Variants in SHOC2 observed in about 807,000 individuals in gnomAD.
SHOC2 encodes SHOC2 leucine rich repeat scaffold protein, also known as leucine-rich repeat protein SHOC-2.
A neutral mutation model predicts 50.2 loss-of-function variants in SHOC2; 4 were observed. The ratio of observed to expected loss-of-function variants is 0.08; its 90% CI spans 0.04 to 0.18. The LOEUF is 0.18. SHOC2 is among the 10% of genes least tolerant of loss of function. SHOC2 has a pLI of 1.00. For synonymous variants in SHOC2, 218 were observed against 244.5 expected, an observed-to-expected ratio of 0.89 and a Z score of 1.01; for missense variants, 388 against 669.6, an observed-to-expected ratio of 0.58 and a Z score of 4.64.
intron 1 of SHOC2, chr10:110,937,023 A>AGGGGCGTCGGAAAGGGTT (rs1238050585): frequency 1.9e-5 from 28 of 1,482,510 alleles, no homozygotes; most frequent in Non-Finnish European, 2.5e-5. Flanking sequence ...CGGAAGTGGT[A>AGGGGCGTCGGAAAGGGTT]GGGGCGTCGG....
intron 3 of SHOC2, among the ~76,000 whole-genome samples, chr10:110,988,685 C>T (rs1848126266): frequency 1.3e-5 from 2 of 151,772 alleles, no homozygotes; most frequent in Non-Finnish European, 2.9e-5. Context: ...CATTGATTTC[C>T]ATTTTGAACT....
chr10:110,959,809 G>T (rs1847538608), intron 1 of SHOC2, among the ~76,000 whole-genome samples: 2 of 152,154 alleles, frequency 1.3e-5, no homozygotes, highest in Admixed American at 1.3e-4. Context: ...TAAATTTTCT[G>T]CCTTCCTTCT....
chr10:110,999,085 C>T (rs1848319365), intron 3 of SHOC2, among the ~76,000 whole-genome samples: 1 of 152,204 alleles, frequency 6.6e-6, no homozygotes, highest in South Asian at 2.1e-4. Flanking sequence ...ACTCAAAATA[C>T]TTATCTCCAA....
chr10:110,965,018 T>A lies in SHOC2; in HGVS notation c.660T>A (p.Leu220=). 6.2e-7 allele frequency: 1 copy of A among 1,613,774 alleles called. No individual in the cohort carries two copies. The highest frequency in any genetic ancestry group is 8.5e-7 in the Non-Finnish European group (1 of 1,179,760). Residue 220 remains leucine, a synonymous_variant, in exon 2 of 9, where the codon CTT becomes CTA. Coordinates refer to ENST00000369452, the MANE Select transcript of SHOC2 (RefSeq NM_007373.4). The part of the protein sequence containing the change: ...DIKNLSKLSM[L]SIRENKIKQL... Reference sequence around the variant, plus strand: ...AAAACTTGTCAAAACTCAGCATGCTTAGCATTCGAGAGAACAAAATTAAAC... The same window carrying A: ...AAAACTTGTCAAAACTCAGCATGCTAAGCATTCGAGAGAACAAAATTAAAC...
chr10:110,947,052 G>A (rs1255450453), intron 1 of SHOC2, among the ~76,000 whole-genome samples: 3 of 152,182 alleles, frequency 2.0e-5, no homozygotes, highest in Non-Finnish European at 4.4e-5. Context: ...AACAAATGAT[G>A]CATTGAAGAG....
At chr10:110,935,029 C>T (rs1477727139) in intron 1 of SHOC2, among the ~76,000 whole-genome samples, 1 of 152,162 alleles carries the variant, frequency 6.6e-6, no homozygotes, top group Non-Finnish European at 1.5e-5. Flanking sequence ...TGTATACTTT[C>T]TGCACATATA....
At chr10:110,920,847 A>G (rs1049245907) in intron 1 of SHOC2, among the ~76,000 whole-genome samples, 2 of 152,194 alleles carry the variant, frequency 1.3e-5, no homozygotes, top group Non-Finnish European at 2.9e-5. Context: ...CGTGATAACT[A>G]CCAGCAGTGT....
At chr10:110,931,079 C>G (rs1395774424) in intron 1 of SHOC2, among the ~76,000 whole-genome samples, 1 of 152,086 alleles carries the variant, frequency 6.6e-6, no homozygotes, top group South Asian at 2.1e-4. Context: ...ATGCAGGTTT[C>G]CTAAAAAACT....
At chr10:110,976,947 T>G (rs1847889531) in intron 2 of SHOC2, among the ~76,000 whole-genome samples, 1 of 152,196 alleles carries the variant, frequency 6.6e-6, no homozygotes, top group African/African-American at 2.4e-5. Context: ...TGTGTGTCCA[T>G]GTATATTTTA....
intron 3 of SHOC2, among the ~76,000 whole-genome samples, chr10:110,999,807 A>G (rs1380222755): frequency 6.6e-6 from 1 of 151,388 alleles, no homozygotes. Context: ...TTCGATAATG[A>G]CTATTTTGTG....
At chr10:110,974,667 G>GT (rs1306108692) in intron 2 of SHOC2, among the ~76,000 whole-genome samples, 18 of 151,292 alleles carry the variant, frequency 1.2e-4, no homozygotes, top group Admixed American at 4.6e-4. Context: ...TCTTTGTGGC[G>GT]TTTTTTTTAG....
chr10:110,973,023 G>A (rs1297423570), intron 2 of SHOC2, among the ~76,000 whole-genome samples: 1 of 152,166 alleles, frequency 6.6e-6, no homozygotes, highest in Non-Finnish European at 1.5e-5. Context: ...TCCCTTAGTT[G>A]CAGAAAACTT....
At chr10:110,980,701 T>C (rs773110243) in intron 2 of SHOC2, among the ~76,000 whole-genome samples, 14 of 152,166 alleles carry the variant, frequency 9.2e-5, no homozygotes, top group Admixed American at 4.6e-4. Context: ...CTTAGGTTGA[T>C]ATTTAAGACC....
At chr10:110,975,615 G>A (rs1003635646) in intron 2 of SHOC2, among the ~76,000 whole-genome samples, 1 of 151,146 alleles carries the variant, frequency 6.6e-6, no homozygotes, top group Non-Finnish European at 1.5e-5. Flanking sequence ...TTTTTTTCAC[G>A]ACTAGTTTGA....
chr10:110,998,949 T>TTGTA (rs1417439901), intron 3 of SHOC2, among the ~76,000 whole-genome samples: 1 of 152,236 alleles, frequency 6.6e-6, no homozygotes, highest in Non-Finnish European at 1.5e-5. Flanking sequence ...GACTAATGTA[T>TTGTA]GTTTTCTGTA....
rs959505796 is a variant in SHOC2, at chr10:111,005,788, T to C, written c.1161+994T>C. On this transcript the variant is annotated intron_variant, in intron 5 of 8. Coordinates refer to ENST00000369452, the MANE Select transcript of SHOC2 (RefSeq NM_007373.4). ...GGACAAACTTTAGGCCCAAGGAAGG[T>C]AACTGAATTGGCCACATAGCTGATA... 1.4e-4 allele frequency among the ~76,000 whole-genome samples: 22 copies of C among 152,322 alleles called. 1 individual carries two copies. The highest frequency in any genetic ancestry group is 3.4e-3 in the Middle Eastern group (1 of 294).
rs376546486 is a variant in SHOC2, at chr10:110,947,985, A to G, written c.-234-16140A>G. The stretch of plus-strand genomic sequence containing the variant: ...ACAGTATTATGCCTAAAAGAGATTC[A>G]TTTTAGCATTAAGGACACACATAGG... On this transcript the variant is annotated intron_variant, in intron 1 of 8. Coordinates refer to ENST00000369452, the MANE Select transcript of SHOC2 (RefSeq NM_007373.4). Among the ~76,000 whole-genome samples the G allele has an allele frequency of 8.5e-5, 13 of 152,304 alleles. No individual in the cohort carries two copies. In the East Asian group the frequency reaches 2.1e-3, roughly 25 times the overall value.
intron 1 of SHOC2, among the ~76,000 whole-genome samples, chr10:110,934,407 G>A (rs945964649): frequency 4.6e-5 from 7 of 152,082 alleles, no homozygotes; most frequent in African/African-American, 1.4e-4. Context: ...AAATATATCT[G>A]TATTCCTGTG....
chr10:110,947,963 G>A (rs1422498425), intron 1 of SHOC2, among the ~76,000 whole-genome samples: 1 of 152,082 alleles, frequency 6.6e-6, no homozygotes, highest in Non-Finnish European at 1.5e-5. Context: ...AGATCCTACA[G>A]TATTATGCCT....
Sources: gnomAD v4.1 joint callset for allele counts (sites outside exome capture counted in the v4.1 genomes callset) on GRCh38, gnomAD v4.1.1 for gene constraint, MANE v1.5 for transcripts, NCBI Gene and HGNC (gene_info 2026-07-23, HGNC 2026-07-21) for gene names.